Variants in EML1 observed in about 807,000 individuals in gnomAD.
EML1 encodes EMAP like 1.
In EML1, 27 loss-of-function variants were observed where a neutral mutation model predicts 110.4. That is an observed-to-expected ratio of 0.24 (90% CI 0.18 to 0.34). EML1 has a LOEUF of 0.34. Among genes scored for constraint, EML1 ranks in the 10% least tolerant of loss-of-function variants. The probability of loss-of-function intolerance (pLI) is 1.00; values close to 1 mark genes in which losing one functional copy is unlikely to be tolerated. For synonymous variants in EML1, 344 were observed against 385.8 expected (o/e 0.89, Z 1.27); for missense variants, 741 against 1,030.9 (o/e 0.72, Z 3.85).
intron 10 of EML1, 27 bp from the exon 11 acceptor site, chr14:99,909,318 G>A: frequency 1.2e-6 from 2 of 1,614,066 alleles, no homozygotes; most frequent in South Asian, 1.1e-5. Flanking sequence ...GAGATGTGAG[G>A]CATCCGAGTC....
intron 2 of EML1, among the ~76,000 whole-genome samples, chr14:99,861,248 A>C (rs547995350): frequency 1.3e-5 from 2 of 152,316 alleles, no homozygotes; most frequent in South Asian, 4.1e-4. Context: ...TAGACAGACT[A>C]TTGGATTTAG....
intron 8 of EML1, 27 bp downstream of exon 8, chr14:99,898,329 T>G (rs1415451431): frequency 2.5e-6 from 4 of 1,599,142 alleles, no homozygotes; most frequent in Non-Finnish European, 3.4e-6. Flanking sequence ...TTTCATTGTT[T>G]CATAATGAAC....
intron 1 of EML1, among the ~76,000 whole-genome samples, chr14:99,833,532 T>TA (rs1295262417): frequency 6.6e-6 from 1 of 152,242 alleles, no homozygotes; most frequent in Non-Finnish European, 1.5e-5. Context: ...CTGGGATTTT[T>TA]ATTGATTGCA....
chr14:99,801,506 T>G (rs2057879549), intron 1 of EML1, among the ~76,000 whole-genome samples: 1 of 151,828 alleles, frequency 6.6e-6, no homozygotes, highest in African/African-American at 2.4e-5. Context: ...TCCCAGCTAC[T>G]CGGGAGGCTG....
chr14:99,787,349 G>A (rs759960496), intron 1 of EML1, among the ~76,000 whole-genome samples: 1 of 148,688 alleles, frequency 6.7e-6, no homozygotes, highest in Non-Finnish European at 1.5e-5. Flanking sequence ...TCTTGGCTCG[G>A]CTCACTGCAA....
upstream of EML1, among the ~76,000 whole-genome samples, chr14:99,790,866 C>CTTTTTTTTTTTTTT (rs58349128): frequency 6.3e-5 from 9 of 142,676 alleles, no homozygotes; most frequent in Non-Finnish European, 9.1e-5. Flanking sequence ...TTTTCTTTTC[C>CTTTTTTTTTTTTTT]TTTTTTTTTG....
chr14:99,910,194 T>C (rs759776678), intron 11 of EML1, 48 bp from the exon 12 acceptor site: 2 of 1,309,478 alleles, frequency 1.5e-6, no homozygotes, highest in Non-Finnish European at 2.1e-6. Flanking sequence ...AATATATATA[T>C]GTTGTATGGA....
intron 1 of EML1, among the ~76,000 whole-genome samples, chr14:99,738,308 G>GTCC (rs945001089): frequency 6.6e-6 from 1 of 152,234 alleles, no homozygotes; most frequent in African/African-American, 2.4e-5. Flanking sequence ...TGAGTCCCTG[G>GTCC]TCCGGCAGCA....
intron 1 of EML1, among the ~76,000 whole-genome samples, chr14:99,840,020 T>C (rs1197050441): frequency 7.4e-6 from 1 of 134,972 alleles, no homozygotes; most frequent in Non-Finnish European, 1.7e-5. Flanking sequence ...ATTGCTTCTC[T>C]GTACTGATTG....
At chr14:99,902,725 G>T (rs1192039802) in intron 9 of EML1, among the ~76,000 whole-genome samples, 1 of 152,184 alleles carries the variant, frequency 6.6e-6, no homozygotes, top group Non-Finnish European at 1.5e-5. Flanking sequence ...CCAGCCATAG[G>T]TTTATATTCT....
At chr14:99,850,201 AGTGTTCTCT>A (rs376353585) in intron 1 of EML1, 13 of 1,018,242 alleles carry the variant, frequency 1.3e-5, no homozygotes, top group Non-Finnish European at 1.8e-5. Flanking sequence ...AGCCTCCCAA[AGTGTTCTCT>A]GTGTTCTCTG....
intron 1 of EML1, among the ~76,000 whole-genome samples, chr14:99,808,215 G>GA (rs1739456562): frequency 6.6e-6 from 1 of 152,174 alleles, no homozygotes; most frequent in African/African-American, 2.4e-5. Flanking sequence ...GAGGGCAGGG[G>GA]CGCTGTGTTG....
chr14:99,761,604 A>G (rs550659805), intron 1 of EML1, among the ~76,000 whole-genome samples: 9 of 152,214 alleles, frequency 5.9e-5, no homozygotes, highest in African/African-American at 2.2e-4. Flanking sequence ...GGCATTCAAA[A>G]TGATCTCCCC....
intron 1 of EML1, among the ~76,000 whole-genome samples, chr14:99,762,549 G>A (rs1464162271): frequency 6.6e-6 from 1 of 152,160 alleles, no homozygotes; most frequent in Non-Finnish European, 1.5e-5. Flanking sequence ...TATAATCCCA[G>A]CACTTTGGGA....
In EML1 at chr14:99,936,023, T is replaced by G; in HGVS notation, c.1910-6T>G. 16 of 1,613,492 alleles carry G rather than the reference T, an allele frequency of 9.9e-6. No individual in the cohort carries two copies. The highest frequency in any genetic ancestry group is 1.4e-5 in the Non-Finnish European group (16 of 1,179,494). Reference sequence around the variant, plus strand: ...ATCTGAAATGTAATTTGTCATCTTTTTATAGATGGGAATTTCTTAGCCATA... The same window carrying G: ...ATCTGAAATGTAATTTGTCATCTTTGTATAGATGGGAATTTCTTAGCCATA... On this transcript the variant is annotated splice_polypyrimidine_tract_variant and splice_region_variant and intron_variant, in intron 17 of 21. Coordinates refer to ENST00000262233, the MANE Select transcript of EML1 (RefSeq NM_004434.3). The surrounding 1 kb of genome is among the most constrained non-coding windows in gnomAD (Gnocchi z 5.5).
At chr14:99,878,736 G>A (rs1022369479) in intron 4 of EML1, 117 bp downstream of exon 4, 24 of 1,415,702 alleles carry the variant, frequency 1.7e-5, no homozygotes, top group Non-Finnish European at 2.1e-5. Flanking sequence ...TCTTGGAGAA[G>A]AAGACCTTCT....
chr14:99,924,606 A>G (rs1004773803), intron 17 of EML1, among the ~76,000 whole-genome samples: 4 of 152,228 alleles, frequency 2.6e-5, no homozygotes, highest in African/African-American at 9.6e-5. Context: ...ACCACAGGTT[A>G]CTGAAACCAC....
intron 1 of EML1, among the ~76,000 whole-genome samples, chr14:99,767,553 C>T (rs918716514): frequency 6.6e-5 from 10 of 151,868 alleles, no homozygotes; most frequent in African/African-American, 1.7e-4. Flanking sequence ...GAGGTTGCAG[C>T]GAGCTGAGAT....
At position 99,781,942 on chromosome 14, in the gene EML1, C is replaced by G. The variant is rs976014695; in HGVS notation, c.-27+7929C>G. Among the ~76,000 whole-genome samples, 2 of 152,196 alleles carry G rather than the reference C, an allele frequency of 1.3e-5. No individual in the cohort carries two copies. Among genetic ancestry groups the G allele is most frequent in the African/African-American group, 4.8e-5 (2 of 41,444 alleles). ...TCAGACCCTGGGGTTTCACTAATCCCCATGTGTCTGTCGGTCCCAAACCCA... is the reference window on the plus strand; with the variant it reads ...TCAGACCCTGGGGTTTCACTAATCCGCATGTGTCTGTCGGTCCCAAACCCA... On this transcript the variant is annotated intron_variant, in intron 1 of 22. Transcript: ENST00000327921. The surrounding 1 kb of genome is among the most constrained non-coding windows in gnomAD (Gnocchi z 4.2).
Sources: gnomAD v4.1 joint callset for allele counts (sites outside exome capture counted in the v4.1 genomes callset) on GRCh38, gnomAD v4.1.1 for gene constraint, Gnocchi (gnomAD v3.1) non-coding constraint, MANE v1.5 for transcripts, NCBI Gene and HGNC (gene_info 2026-07-23, HGNC 2026-07-21) for gene names.